ARHGEF10: variants seen among roughly 807,000 people sequenced by gnomAD.
ARHGEF10 encodes Rho guanine nucleotide exchange factor 10, also known as Rho guanine nucleotide exchange factor (GEF) 10.
Under a neutral mutation model 147.4 loss-of-function variants are expected in ARHGEF10, and 140 were observed. The ratio of observed to expected loss-of-function variants is 0.95; its 90% CI spans 0.83 to 1.09. ARHGEF10 has a LOEUF of 1.09. ARHGEF10 is among the 50% of genes least tolerant of loss of function. The pLI is 0.00. For missense variants in ARHGEF10, 2,222 were observed against 1,752.7 expected, an observed-to-expected ratio of 1.27 and a Z score of -4.78; for synonymous variants, 902 against 695.8, an observed-to-expected ratio of 1.30 and a Z score of -4.67.
chr8:1,915,941 C>T (rs967725378), intron 18 of ARHGEF10, among the ~76,000 whole-genome samples: 2 of 152,234 alleles, frequency 1.3e-5, no homozygotes, highest in Admixed American at 6.5e-5. Flanking sequence ...AGTTGACATT[C>T]CAGAAACCTT....
chr8:1,899,461 G>A (rs887688762), intron 15 of ARHGEF10, among the ~76,000 whole-genome samples: 1 of 152,188 alleles, frequency 6.6e-6, no homozygotes, highest in Admixed American at 6.5e-5. Flanking sequence ...ATGAACTGGC[G>A]CCTGGGAAAT....
intron 12 of ARHGEF10, 85 bp downstream of exon 12, chr8:1,893,731 T>C (rs1249546354): frequency 8.9e-6 from 10 of 1,123,642 alleles, no homozygotes; most frequent in Admixed American, 5.4e-5. Flanking sequence ...ATGCAAAGCA[T>C]ATATGTTTAT....
At chr8:1,934,741 A>G (rs1813437143) in intron 26 of ARHGEF10, among the ~76,000 whole-genome samples, 1 of 152,252 alleles carries the variant, frequency 6.6e-6, no homozygotes, top group South Asian at 2.1e-4. Context: ...AACCTCTAAG[A>G]TAAAAAGCAG....
chr8:1,929,837 G>C (rs1009521116), intron 25 of ARHGEF10, among the ~76,000 whole-genome samples: 1 of 151,814 alleles, frequency 6.6e-6, no homozygotes, highest in Admixed American at 6.5e-5. Context: ...CTGTGCCCTC[G>C]GTCCCGTGCC....
chr8:1,921,303 T>C (rs1436397179), intron 18 of ARHGEF10, among the ~76,000 whole-genome samples: 2 of 152,230 alleles, frequency 1.3e-5, no homozygotes, highest in South Asian at 2.1e-4. Context: ...ATTGGAAATA[T>C]GTAGGTTCTT....
intron 10 of ARHGEF10, among the ~76,000 whole-genome samples, chr8:1,883,980 G>T (rs1459457564): frequency 6.6e-6 from 1 of 152,154 alleles, no homozygotes; most frequent in Non-Finnish European, 1.5e-5. Context: ...GAGTCCCCCG[G>T]GACTGGGTGT....
chr8:1,898,592 C>T lies in ARHGEF10; in HGVS notation c.1650+67C>T, dbSNP rs755542. 0.084 allele frequency: 124,796 copies of T among 1,484,464 alleles called. 6,653 individuals are homozygous for T. The highest frequency in any genetic ancestry group is 0.21 in the South Asian group (18,562 of 86,644). 92.0% of individuals were successfully genotyped at this position (1,484,464 alleles called of 1,614,324 possible). ...TCGCCCATGACTCATTTGAAAATGG[C>T]GTCTGTTCCTCCACTTTGGAATGGC... On this transcript the variant is annotated intron_variant, in intron 15 of 28. Coordinates refer to ENST00000349830, the MANE Select transcript of ARHGEF10 (RefSeq NM_014629.4).
chr8:1,924,563 G>A (rs537794929), intron 21 of ARHGEF10, among the ~76,000 whole-genome samples: 4 of 152,324 alleles, frequency 2.6e-5, no homozygotes, highest in East Asian at 1.9e-4. Flanking sequence ...CGTGGGTAAC[G>A]CCATTGCCCC....
In ARHGEF10 at chr8:1,948,806, C is replaced by G. The variant is rs984815577; in HGVS notation, c.3397+3151C>G. Among the ~76,000 whole-genome samples the G allele has an allele frequency of 3.9e-5, 6 of 152,152 alleles. No individual in the cohort carries two copies. The highest frequency in any genetic ancestry group is 8.8e-5 in the Non-Finnish European group (6 of 68,044). ...GAAATAAGCATTATTGCATTTCATG[C>G]TGTATTTAGACATTCCGGTGGGGGC... On this transcript the variant is annotated intron_variant, in intron 27 of 28. Coordinates refer to ENST00000349830, the MANE Select transcript of ARHGEF10 (RefSeq NM_014629.4). This position sits in a 1 kb window ranked among gnomAD's most constrained non-coding sequence, Gnocchi z 4.9.
intron 17 of ARHGEF10, among the ~76,000 whole-genome samples, chr8:1,907,837 A>C (rs1304299107): frequency 7.2e-5 from 11 of 152,184 alleles, no homozygotes; most frequent in Admixed American, 7.2e-4. Flanking sequence ...GAAGGTGATG[A>C]GATGAGAATG....
chr8:1,838,450 C>T (rs1388825670), intron 1 of ARHGEF10, among the ~76,000 whole-genome samples: 1 of 152,274 alleles, frequency 6.6e-6, no homozygotes, highest in East Asian at 1.9e-4. Context: ...CCCGCCCAGC[C>T]TGGGGAGAAG....
chr8:1,886,944 G>A (rs1808713610), intron 11 of ARHGEF10, among the ~76,000 whole-genome samples: 1 of 152,156 alleles, frequency 6.6e-6, no homozygotes, highest in African/African-American at 2.4e-5. Context: ...GCCTTTACCA[G>A]GAACAGAGGA....
chr8:1,904,380 C>G (rs1810721075), intron 16 of ARHGEF10: 1 of 152,140 alleles, frequency 6.6e-6, no homozygotes, highest in Non-Finnish European at 1.5e-5. Flanking sequence ...ATTATTGCTA[C>G]AAATCATTGT....
chr8:1,920,139 C>T (rs1328593111), intron 18 of ARHGEF10, among the ~76,000 whole-genome samples: 1 of 104,138 alleles, frequency 9.6e-6, no homozygotes, highest in Non-Finnish European at 2.1e-5. Context: ...TCTGTGTGCC[C>T]TGGAGTTCTC....
chr8:1,878,009 C>T (rs765759684), intron 8 of ARHGEF10, among the ~76,000 whole-genome samples: 1 of 152,000 alleles, frequency 6.6e-6, no homozygotes, highest in African/African-American at 2.4e-5. Context: ...TTATGGGCTG[C>T]CTACAATTCT....
chr8:1,845,013 C>T (rs573799571), intron 2 of ARHGEF10, among the ~76,000 whole-genome samples: 2 of 152,228 alleles, frequency 1.3e-5, no homozygotes, highest in Admixed American at 6.5e-5. Context: ...ATGGTGCATG[C>T]CTGTAGTCCC....
chr8:1,915,425 G>A (rs867241600), intron 18 of ARHGEF10, among the ~76,000 whole-genome samples: 35 of 152,370 alleles, frequency 2.3e-4, no homozygotes, highest in African/African-American at 7.5e-4. Flanking sequence ...AGGAAGCCCA[G>A]AGCCAGCCTG....
intron 26 of ARHGEF10, among the ~76,000 whole-genome samples, chr8:1,941,972 T>C (rs1814130311): frequency 6.6e-6 from 1 of 152,104 alleles, no homozygotes; most frequent in Non-Finnish European, 1.5e-5. Flanking sequence ...TTATCTCAAA[T>C]GAATTAAAAC....
intron 11 of ARHGEF10, among the ~76,000 whole-genome samples, chr8:1,892,787 A>G (rs766341673): frequency 5.9e-5 from 9 of 152,206 alleles, no homozygotes; most frequent in African/African-American, 1.4e-4. Flanking sequence ...GAGAAACTCT[A>G]TTGCCCTGTT....
Sources: gnomAD v4.1 joint callset for allele counts (sites outside exome capture counted in the v4.1 genomes callset) on GRCh38, gnomAD v4.1.1 for gene constraint, Gnocchi (gnomAD v3.1) non-coding constraint, MANE v1.5 for transcripts, NCBI Gene and HGNC (gene_info 2026-07-23, HGNC 2026-07-21) for gene names.